The following EXOC6B variants were observed in gnomAD, a reference collection of about 807,000 sequenced individuals.
The protein encoded by EXOC6B is exocyst complex component 6B.
In EXOC6B, 54 loss-of-function variants were observed where a neutral mutation model predicts 113.5. The observed-to-expected ratio is 0.48, with a 90% CI of 0.38 to 0.60. The LOEUF (loss-of-function observed/expected upper bound fraction) is 0.60. EXOC6B is among the 20% of genes least tolerant of loss of function. EXOC6B has a pLI of 0.00. For missense variants in EXOC6B, 797 were observed against 977.5 expected (o/e 0.82, Z 2.46); for synonymous variants, 357 against 339.0 (o/e 1.05, Z -0.58).
At chr2:72,335,270 C>T (rs187994725) in intron 19 of EXOC6B, 4 of 429,760 alleles carry the variant, frequency 9.3e-6, no homozygotes, top group East Asian at 4.2e-5. Context: ...CCATGAGCTG[C>T]GCTGGGCTTC....
intron 18 of EXOC6B, among the ~76,000 whole-genome samples, chr2:72,455,223 CA>C (rs1305206763): frequency 6.6e-6 from 1 of 152,138 alleles, no homozygotes; most frequent in African/African-American, 2.4e-5. Context: ...GGCTAAATTA[CA>C]GTCATTTTTA....
intron 20 of EXOC6B, among the ~76,000 whole-genome samples, chr2:72,272,557 T>C (rs564903221): frequency 6.6e-6 from 1 of 152,308 alleles, no homozygotes; most frequent in South Asian, 2.1e-4. Context: ...AACCTTGGTG[T>C]GCCGTGTTTT....
chr2:72,433,462 T>C lies in EXOC6B; in HGVS notation c.1980+31698A>G, dbSNP rs867407658. On this transcript the variant is annotated intron_variant, in intron 18 of 21. Transcript: ENST00000272427. Reference sequence around the variant, plus strand: ...TTGAAGAAAGTCAGTGGTAGCTTGATGGGAGTAGCATTCAATGTATAAATT... The same window carrying C: ...TTGAAGAAAGTCAGTGGTAGCTTGACGGGAGTAGCATTCAATGTATAAATT... Among the ~76,000 whole-genome samples, 28 of 152,336 alleles carry C rather than the reference T, an allele frequency of 1.8e-4. No homozygotes were observed. The Middle Eastern group carries it at 0.01, about 56-fold the overall frequency.
intron 18 of EXOC6B, among the ~76,000 whole-genome samples, chr2:72,400,818 A>T (rs1693093306): frequency 6.6e-6 from 1 of 152,086 alleles, no homozygotes; most frequent in Non-Finnish European, 1.5e-5. Flanking sequence ...TGTGGAGAAA[A>T]GGGAATGCTT....
At chr2:72,331,610 C>T (rs1358816499) in intron 20 of EXOC6B, among the ~76,000 whole-genome samples, 1 of 152,024 alleles carries the variant, frequency 6.6e-6, no homozygotes, top group African/African-American at 2.4e-5. Flanking sequence ...CATGAGAAGT[C>T]ATACTGCAAT....
intron 20 of EXOC6B, among the ~76,000 whole-genome samples, chr2:72,197,275 A>G (rs551640638): frequency 6.6e-6 from 1 of 152,338 alleles, no homozygotes; most frequent in East Asian, 1.9e-4. Context: ...AGAATGGGCC[A>G]AAAGGAACAT....
chr2:72,614,890 AG>A (rs1468197256), intron 6 of EXOC6B, among the ~76,000 whole-genome samples: 1 of 152,164 alleles, frequency 6.6e-6, no homozygotes, highest in Admixed American at 6.6e-5. Context: ...GGAGGGCAGA[AG>A]TGAAAACTCC....
intron 1 of EXOC6B, among the ~76,000 whole-genome samples, chr2:72,783,679 C>T (rs562803639): frequency 2.0e-5 from 3 of 152,206 alleles, no homozygotes; most frequent in Non-Finnish European, 2.9e-5. Flanking sequence ...CCTTTGCCCA[C>T]TTTTTAATGA....
chr2:72,349,846 A>G (rs925148851), intron 19 of EXOC6B, among the ~76,000 whole-genome samples: 1 of 152,188 alleles, frequency 6.6e-6, no homozygotes, highest in Admixed American at 6.5e-5. Flanking sequence ...GCAGAAGTGC[A>G]GGTGGCCCGA....
intron 8 of EXOC6B, among the ~76,000 whole-genome samples, chr2:72,549,908 G>C (rs1703115508): frequency 6.6e-6 from 1 of 152,102 alleles, no homozygotes; most frequent in Admixed American, 6.5e-5. Context: ...AAAGAAGACA[G>C]AGATTAAGAA....
chr2:72,473,552 T>G (rs1173893563), intron 17 of EXOC6B, among the ~76,000 whole-genome samples: 1 of 152,156 alleles, frequency 6.6e-6, no homozygotes, highest in African/African-American at 2.4e-5. Context: ...TATTTTCAGT[T>G]CATATGCATC....
intron 6 of EXOC6B, among the ~76,000 whole-genome samples, chr2:72,637,272 A>T (rs1672909368): frequency 1.3e-5 from 2 of 152,208 alleles, no homozygotes; most frequent in South Asian, 4.1e-4. Context: ...CAAAAGCAAA[A>T]ATTGACAAAT....
chr2:72,545,735 A>T (rs1353475537), intron 8 of EXOC6B, among the ~76,000 whole-genome samples: 2 of 152,350 alleles, frequency 1.3e-5, no homozygotes, highest in East Asian at 3.9e-4. Context: ...ACAACCCTTC[A>T]AATACTACTA....
intron 8 of EXOC6B, among the ~76,000 whole-genome samples, chr2:72,527,394 T>G (rs1428533717): frequency 6.6e-6 from 1 of 151,956 alleles, no homozygotes; most frequent in African/African-American, 2.4e-5. Flanking sequence ...TCCTTTATAT[T>G]GCTGTGTAGT....
intron 6 of EXOC6B, among the ~76,000 whole-genome samples, chr2:72,591,756 T>A (rs1244874594): frequency 6.6e-6 from 1 of 152,110 alleles, no homozygotes; most frequent in African/African-American, 2.4e-5. Context: ...AATAATCAAG[T>A]TTACAGTCAT....
chr2:72,589,131 AC>A (rs942667934), intron 6 of EXOC6B, among the ~76,000 whole-genome samples: 37 of 43,156 alleles, frequency 8.6e-4, no homozygotes, highest in African/African-American at 2.5e-3. Flanking sequence ...CATTTTACTC[AC>A]TTAAAAAATA....
intron 6 of EXOC6B, among the ~76,000 whole-genome samples, chr2:72,621,757 A>G (rs1671760248): frequency 6.6e-6 from 1 of 152,222 alleles, no homozygotes; most frequent in South Asian, 2.1e-4. Flanking sequence ...ATGTACATTA[A>G]TACAGATGAA....
At chr2:72,564,394 A>G (rs1704050709) in intron 7 of EXOC6B, among the ~76,000 whole-genome samples, 1 of 152,232 alleles carries the variant, frequency 6.6e-6, no homozygotes, top group South Asian at 2.1e-4. Context: ...TATCTTTCTC[A>G]CTAATTATTT....
chr2:72,473,089 G>A (rs913270664), intron 17 of EXOC6B, among the ~76,000 whole-genome samples: 3 of 152,066 alleles, frequency 2.0e-5, no homozygotes, highest in African/African-American at 7.2e-5. Context: ...TTTGTTTTGT[G>A]GCTTAATATA....
Sources: gnomAD v4.1 joint callset for allele counts (sites outside exome capture counted in the v4.1 genomes callset) on GRCh38, gnomAD v4.1.1 for gene constraint, MANE v1.5 for transcripts, NCBI Gene and HGNC (gene_info 2026-07-23, HGNC 2026-07-21) for gene names.